Variants in GAS7 observed in about 807,000 individuals in gnomAD.
GAS7 encodes growth arrest-specific protein 7.
Under a neutral mutation model 71.1 loss-of-function variants are expected in GAS7, and 28 were observed. The observed-to-expected ratio is 0.39, with a 90% CI of 0.29 to 0.54. The LOEUF (loss-of-function observed/expected upper bound fraction) is 0.54. Ranked by LOEUF, GAS7 falls within the 20% of genes least tolerant of loss-of-function variation. The pLI, the probability that GAS7 is intolerant of heterozygous loss-of-function variation, is 0.62. For missense variants in GAS7, 436 were observed against 627.8 expected, an observed-to-expected ratio of 0.69 and a Z score of 3.27; for synonymous variants, 258 against 245.8, an observed-to-expected ratio of 1.05 and a Z score of -0.46.
rs2070425557 is a variant in GAS7, at chr17:9,981,912, C to T, written c.305-28G>A. 4.8e-6 allele frequency: 6 copies of T among 1,252,616 alleles called. No homozygotes were observed. The highest frequency in any genetic ancestry group is 7.1e-6 in the Non-Finnish European group (6 of 850,168). The allele number at this position is 1,252,616 out of a possible 1,614,324, so 77.6% of individuals were successfully genotyped here. A position where few individuals can be genotyped will look rare whatever the true frequency, so the allele number is the denominator to read the frequency against. On this transcript the variant is annotated intron_variant, in intron 2 of 13. Coordinates refer to ENST00000432992, the MANE Select transcript of GAS7 (RefSeq NM_201433.2). This position sits in a 1 kb window ranked among gnomAD's most constrained non-coding sequence, Gnocchi z 4.4. The stretch of plus-strand genomic sequence containing the variant: ...GGTGAAAGAAGAGCAAAGAAAATCA[C>T]TTTGAGAATGTCACAGGGCAGAACC...
chr17:10,101,149 G>A (rs1186052354), intron 1 of GAS7, among the ~76,000 whole-genome samples: 1 of 152,100 alleles, frequency 6.6e-6, no homozygotes, highest in Non-Finnish European at 1.5e-5. Flanking sequence ...TCAGTTTCTG[G>A]GGAGCAGGTA....
Position 9,959,597 on chromosome 17 carries a change from C to A in GAS7, c.472-342G>T. ...TGAACGTTCCGCGTGCCGCTTGCTG[C>A]CTGAAGCCGCGGAATCCACTGGGGA... On this transcript the variant is annotated intron_variant, in intron 4 of 13. Transcript: ENST00000432992. This position sits in a 1 kb window ranked among gnomAD's most constrained non-coding sequence, Gnocchi z 5.0. 1.9e-6 allele frequency: 1 copy of A among 524,910 alleles called. No homozygotes were observed. Among genetic ancestry groups the A allele is most frequent in the East Asian group, 3.9e-5 (1 of 25,858 alleles). The allele number at this position is 524,910 out of a possible 1,614,324, so 32.5% of individuals were successfully genotyped here. A position where few individuals can be genotyped will look rare whatever the true frequency, so the allele number is the denominator to read the frequency against.
chr17:10,016,780 A>C (rs1597696440), intron 2 of GAS7, among the ~76,000 whole-genome samples: 1 of 98,918 alleles, frequency 1.0e-5, no homozygotes, highest in Non-Finnish European at 2.2e-5. Context: ...AATAATAATA[A>C]TAATAATAAT....
chr17:10,159,269 T>G (rs182145072), intron 1 of GAS7, among the ~76,000 whole-genome samples: 3 of 151,446 alleles, frequency 2.0e-5, no homozygotes, highest in Admixed American at 2.0e-4. Flanking sequence ...AGTAAACATA[T>G]GATACACATA....
At chr17:9,924,091 G>A (rs2067912211) in intron 11 of GAS7, among the ~76,000 whole-genome samples, 1 of 152,202 alleles carries the variant, frequency 6.6e-6, no homozygotes, top group African/African-American at 2.4e-5. Flanking sequence ...ACACTAGGAA[G>A]AGATGGTGAT....
intron 2 of GAS7, among the ~76,000 whole-genome samples, chr17:10,000,576 A>C (rs2071229973): frequency 6.6e-6 from 1 of 152,228 alleles, no homozygotes. Context: ...ACTGAGAGTC[A>C]TGAAATCAGC....
intron 1 of GAS7, among the ~76,000 whole-genome samples, chr17:10,091,021 T>C (rs896397012): frequency 1.8e-4 from 28 of 152,064 alleles, no homozygotes; most frequent in Admixed American, 1.7e-3. Context: ...CTCCCAACCC[T>C]TCTCACCGCC....
intron 2 of GAS7, among the ~76,000 whole-genome samples, chr17:9,991,432 T>C (rs1401345549): frequency 1.3e-5 from 2 of 152,170 alleles, no homozygotes; most frequent in Non-Finnish European, 2.9e-5. Context: ...ATTTCACAGA[T>C]GATACAGAAA....
intron 1 of GAS7, among the ~76,000 whole-genome samples, chr17:10,112,006 C>T (rs2073818088): frequency 6.6e-6 from 1 of 152,140 alleles, no homozygotes; most frequent in African/African-American, 2.4e-5. Flanking sequence ...ATGAAAGAAC[C>T]ACTTCCGCAG....
intron 1 of GAS7, among the ~76,000 whole-genome samples, chr17:10,054,386 G>A (rs1037626861): frequency 6.6e-6 from 1 of 152,122 alleles, no homozygotes; most frequent in African/African-American, 2.4e-5. Context: ...TTGCCAAGCA[G>A]GGCGGCAGGC....
intron 2 of GAS7, among the ~76,000 whole-genome samples, chr17:10,007,670 C>T (rs1160212528): frequency 1.4e-5 from 2 of 147,966 alleles, no homozygotes; most frequent in Admixed American, 1.3e-4. Context: ...CTAAAGGATG[C>T]CAAGAAAGTC....
chr17:10,179,865 G>A (rs1157787612), intron 1 of GAS7, among the ~76,000 whole-genome samples: 1 of 152,150 alleles, frequency 6.6e-6, no homozygotes, highest in African/African-American at 2.4e-5. Flanking sequence ...TATTAATAAA[G>A]AAGGCAAATA....
intron 1 of GAS7, among the ~76,000 whole-genome samples, chr17:10,083,911 C>T (rs2073485765): frequency 6.6e-6 from 1 of 152,178 alleles, no homozygotes; most frequent in South Asian, 2.1e-4. Flanking sequence ...GGAAAGCACA[C>T]CAAACAGGAA....
At chr17:9,938,570 G>A (rs551698824) in intron 8 of GAS7, among the ~76,000 whole-genome samples, 1 of 151,238 alleles carries the variant, frequency 6.6e-6, no homozygotes, top group African/African-American at 2.4e-5. Flanking sequence ...ACAATCAGAA[G>A]GCGGCCATCT....
intron 1 of GAS7, among the ~76,000 whole-genome samples, chr17:10,167,689 G>A (rs1372859685): frequency 6.6e-6 from 1 of 151,524 alleles, no homozygotes; most frequent in African/African-American, 2.4e-5. Context: ...TCTTTTTTTA[G>A]AGACAGGGTC....
At chr17:10,191,573 A>AAAT (rs34652021) in intron 1 of GAS7, among the ~76,000 whole-genome samples, 1 of 131,034 alleles carries the variant, frequency 7.6e-6, no homozygotes, top group African/African-American at 2.9e-5. Flanking sequence ...AAAAAAAAAA[A>AAAT]GGCAGTAAGG....
At chr17:10,054,076 G>A (rs1440386154) in intron 1 of GAS7, among the ~76,000 whole-genome samples, 2 of 152,136 alleles carry the variant, frequency 1.3e-5, no homozygotes, top group East Asian at 1.9e-4. Context: ...AAACAAAGAC[G>A]GTCTGTTCTA....
rs913449137 is a variant in GAS7 at position 9,974,515 on chromosome 17, G to GAA, written c.386-4755_386-4754dup. ...ACATAATTCAGTCTGGAGATACAAG[G>GAA]AAAAAAAAAAAGCAAATGTCACACT... On this transcript the variant is annotated intron_variant, in intron 3 of 13. Coordinates refer to ENST00000432992, the MANE Select transcript of GAS7 (RefSeq NM_201433.2). The surrounding 1 kb of genome is among the most constrained non-coding windows in gnomAD (Gnocchi z 4.0). 2.8e-5 allele frequency among the ~76,000 whole-genome samples: 4 copies of GAA among 143,388 alleles called. No individual in the cohort carries two copies. Among genetic ancestry groups the GAA allele is most frequent in the Non-Finnish European group, 6.1e-5 (4 of 65,150 alleles). The allele number at this position is 143,388 out of a possible 152,430, so 94.1% of individuals were successfully genotyped here.
intron 1 of GAS7, among the ~76,000 whole-genome samples, chr17:10,097,596 T>C (rs1252327720): frequency 1.3e-5 from 2 of 152,152 alleles, no homozygotes; most frequent in African/African-American, 4.8e-5. Flanking sequence ...CTGCTGAGTT[T>C]TTCACATTTT....
Sources: gnomAD v4.1 joint callset for allele counts (sites outside exome capture counted in the v4.1 genomes callset) on GRCh38, gnomAD v4.1.1 for gene constraint, Gnocchi (gnomAD v3.1) non-coding constraint, MANE v1.5 for transcripts, NCBI Gene and HGNC (gene_info 2026-07-23, HGNC 2026-07-21) for gene names.